The following WDPCP variants were observed in gnomAD, a reference collection of about 807,000 sequenced individuals.
WDPCP encodes the protein WD repeat containing planar cell polarity effector, also known as WD repeat-containing and planar cell polarity effector protein fritz homolog.
Under a neutral mutation model 93.1 loss-of-function variants are expected in WDPCP, and 71 were observed. That is an observed-to-expected ratio of 0.76 (90% CI 0.63 to 0.93). The LOEUF (loss-of-function observed/expected upper bound fraction) is 0.93, where lower values mean the gene tolerates loss of function less well. Among genes scored for constraint, WDPCP ranks in the 40% least tolerant of loss-of-function variants. The probability of loss-of-function intolerance (pLI) is 0.00; values close to 1 mark genes in which losing one functional copy is unlikely to be tolerated. For missense variants in WDPCP, 844 were observed against 887.4 expected (o/e 0.95, Z 0.62); for synonymous variants, 315 against 315.0 (o/e 1.00, Z 0.00).
At chr2:63,341,994 C>CT (rs1490270188) in intron 12 of WDPCP, among the ~76,000 whole-genome samples, 13 of 152,128 alleles carry the variant, frequency 8.5e-5, no homozygotes, top group Admixed American at 3.3e-4. Context: ...TGGTCCCCAA[C>CT]TTTTTTGACA....
At chr2:63,580,295 A>T (rs979494360) in intron 1 of WDPCP, among the ~76,000 whole-genome samples, 6 of 152,214 alleles carry the variant, frequency 3.9e-5, no homozygotes, top group African/African-American at 1.4e-4. Flanking sequence ...ATAATCAATA[A>T]GTGCTAAAAC....
chr2:63,154,041 T>C (rs1405264642), intron 15 of WDPCP, among the ~76,000 whole-genome samples: 2 of 152,002 alleles, frequency 1.3e-5, no homozygotes, highest in African/African-American at 4.8e-5. Flanking sequence ...AGTTGTTCTC[T>C]GGATATTTAG....
chr2:63,605,437 G>T (rs1709510217), intron 3 of WDPCP: 1 of 1,331,038 alleles, frequency 7.5e-7, no homozygotes, highest in Non-Finnish European at 1.1e-6. Context: ...TTTTATTTTT[G>T]TTGCCTGATG....
chr2:63,767,888 T>C (rs1331368885), intron 2 of WDPCP, among the ~76,000 whole-genome samples: 3 of 152,120 alleles, frequency 2.0e-5, no homozygotes, highest in Non-Finnish European at 4.4e-5. Flanking sequence ...TTTCATATGG[T>C]ATCTAAGGAA....
At chr2:63,207,089 T>C (rs1248966445) in intron 14 of WDPCP, among the ~76,000 whole-genome samples, 3 of 152,226 alleles carry the variant, frequency 2.0e-5, no homozygotes, top group African/African-American at 7.2e-5. Context: ...TACCCTTTTG[T>C]GACTGGCTTC....
intron 1 of WDPCP, among the ~76,000 whole-genome samples, chr2:63,508,440 A>G (rs941962758): frequency 3.9e-5 from 6 of 152,234 alleles, no homozygotes; most frequent in African/African-American, 1.4e-4. Flanking sequence ...AGGAAGCACT[A>G]AATATGGAAA....
intron 12 of WDPCP, among the ~76,000 whole-genome samples, chr2:63,368,472 C>T (rs978181457): frequency 6.6e-6 from 1 of 151,862 alleles, no homozygotes; most frequent in African/African-American, 2.4e-5. Flanking sequence ...ATTACAGGCT[C>T]ATGCCACCAT....
rs1686679742 is a variant in WDPCP at position 63,316,804 on chromosome 2, GTC to G, written c.1749-3495_1749-3494del. Among the ~76,000 whole-genome samples the G allele has an allele frequency of 2.0e-5, 3 of 152,142 alleles. No homozygotes were observed. In the South Asian group the frequency reaches 6.2e-4, roughly 32 times the overall value. On this transcript the variant is annotated intron_variant, in intron 12 of 17. Coordinates refer to ENST00000272321, the MANE Select transcript of WDPCP (RefSeq NM_015910.7). ...GATTCTATACCTACAAAATCCCATAGTCTCTGCCCAAAGACTCCTAGATCTGA... is the reference window on the plus strand; with the variant it reads ...GATTCTATACCTACAAAATCCCATAGTCTGCCCAAAGACTCCTAGATCTGA...
chr2:63,501,240 C>G (rs1366586795), intron 1 of WDPCP, among the ~76,000 whole-genome samples: 1 of 152,100 alleles, frequency 6.6e-6, no homozygotes, highest in Non-Finnish European at 1.5e-5. Context: ...ATTTTTAAAA[C>G]AAGCTTTAGA....
At chr2:63,249,903 C>T (rs546394495) in intron 14 of WDPCP, among the ~76,000 whole-genome samples, 1 of 152,246 alleles carries the variant, frequency 6.6e-6, no homozygotes, top group Non-Finnish European at 1.5e-5. Context: ...TTATCACACA[C>T]TGTGGCTGTA....
At chr2:63,218,593 T>C (rs1677549324) in intron 14 of WDPCP, among the ~76,000 whole-genome samples, 1 of 152,094 alleles carries the variant, frequency 6.6e-6, no homozygotes, top group Admixed American at 6.6e-5. Flanking sequence ...GCAGTGGCCC[T>C]ATCTCGGCTC....
At chr2:63,491,962 C>A (rs1312677750) in intron 2 of WDPCP, among the ~76,000 whole-genome samples, 1 of 152,148 alleles carries the variant, frequency 6.6e-6, no homozygotes, top group African/African-American at 2.4e-5. Flanking sequence ...AGGGTTTATA[C>A]CTTCTTTATT....
intron 2 of WDPCP, among the ~76,000 whole-genome samples, chr2:63,683,212 AT>A (rs1668746285): frequency 6.6e-6 from 1 of 152,172 alleles, no homozygotes; most frequent in Non-Finnish European, 1.5e-5. Context: ...CAGAAAACAA[AT>A]AGCAAAATGT....
chr2:63,713,386 C>T (rs1437515569), intron 2 of WDPCP, among the ~76,000 whole-genome samples: 1 of 152,168 alleles, frequency 6.6e-6, no homozygotes, highest in Admixed American at 6.5e-5. Flanking sequence ...GAATTGTCTC[C>T]TACAACCTTT....
intron 2 of WDPCP, among the ~76,000 whole-genome samples, chr2:63,490,104 TA>T (rs60420871): frequency 0.034 from 4,299 of 125,844 alleles, 96 homozygotes; most frequent in Admixed American, 0.084. Flanking sequence ...CATGAAAATG[TA>T]AAAAAAAAAA....
At chr2:63,267,094 G>C (rs2104827097) in intron 13 of WDPCP, among the ~76,000 whole-genome samples, 1 of 152,200 alleles carries the variant, frequency 6.6e-6, no homozygotes, top group East Asian at 1.9e-4. Context: ...TAAAGCTATT[G>C]AAACAAAAGC....
chr2:63,744,939 C>T (rs951909141), intron 2 of WDPCP, among the ~76,000 whole-genome samples: 28 of 152,024 alleles, frequency 1.8e-4, no homozygotes, highest in Admixed American at 4.6e-4. Context: ...ATAATAATCA[C>T]GTCATTGAAC....
intron 12 of WDPCP, among the ~76,000 whole-genome samples, chr2:63,322,777 G>A (rs926490349): frequency 6.6e-6 from 1 of 151,938 alleles, no homozygotes; most frequent in African/African-American, 2.4e-5. Flanking sequence ...CGACCCAGAT[G>A]GGACCATCGC....
chr2:63,551,324 G>A (rs1705625403), intron 1 of WDPCP, among the ~76,000 whole-genome samples: 2 of 152,168 alleles, frequency 1.3e-5, no homozygotes, highest in Admixed American at 1.3e-4. Flanking sequence ...CCCTAGTGTT[G>A]GAGATGGGGC....
Sources: allele counts gnomAD v4.1 joint callset (sites outside exome capture counted in the v4.1 genomes callset), GRCh38; gene constraint gnomAD v4.1.1; transcripts MANE v1.5; gene names NCBI Gene and HGNC (gene_info 2026-07-23, HGNC 2026-07-21).